The following DPP10 variants were observed in gnomAD, a reference collection of about 807,000 sequenced individuals.
DPP10 encodes inactive dipeptidyl peptidase 10.
In DPP10, 33 loss-of-function variants were observed where a neutral mutation model predicts 120.9. The ratio of observed to expected loss-of-function variants is 0.27; its 90% CI spans 0.21 to 0.37. DPP10 has a LOEUF of 0.37. Among genes scored for constraint, DPP10 ranks in the 10% least tolerant of loss-of-function variants. The probability of loss-of-function intolerance (pLI) is 1.00; values close to 1 mark genes in which losing one functional copy is unlikely to be tolerated. For missense variants in DPP10, 816 were observed against 942.8 expected (o/e 0.87, Z 1.76); for synonymous variants, 337 against 326.1 (o/e 1.03, Z -0.36).
chr2:115,456,595 T>A (rs1233083601), intron 3 of DPP10, among the ~76,000 whole-genome samples: 2 of 152,026 alleles, frequency 1.3e-5, no homozygotes, highest in East Asian at 1.9e-4. Flanking sequence ...ATAAAGAAAA[T>A]CTGGCCCATA....
At chr2:114,913,329 C>T (rs1033321910) in intron 1 of DPP10, among the ~76,000 whole-genome samples, 4 of 152,174 alleles carry the variant, frequency 2.6e-5, no homozygotes, top group Non-Finnish European at 5.9e-5. Flanking sequence ...CACTGAAGCA[C>T]TTTTGCCAGC....
At chr2:114,468,397 C>CAAAAAAAAAAAAAAAAAAAAA (rs71297186) in intron 1 of DPP10, among the ~76,000 whole-genome samples, 3 of 69,556 alleles carry the variant, frequency 4.3e-5, no homozygotes, top group African/African-American at 1.6e-4. Context: ...GCTTACAATG[C>CAAAAAAAAAAAAAAAAAAAAA]AAAAAAAAAA....
chr2:114,901,899 G>T (rs570730108), intron 1 of DPP10, among the ~76,000 whole-genome samples: 30 of 152,280 alleles, frequency 2.0e-4, no homozygotes, highest in Non-Finnish European at 4.0e-4. Flanking sequence ...AAGTGGTGTG[G>T]TCCAGTCAAA....
At chr2:114,841,371 T>C (rs1222123983) in intron 1 of DPP10, among the ~76,000 whole-genome samples, 3 of 152,144 alleles carry the variant, frequency 2.0e-5, no homozygotes, top group African/African-American at 7.2e-5. Context: ...AATGATAGGC[T>C]AAGAAATCTC....
intron 3 of DPP10, among the ~76,000 whole-genome samples, chr2:115,351,162 C>G (rs2064006887): frequency 6.6e-6 from 1 of 152,032 alleles, no homozygotes; most frequent in Non-Finnish European, 1.5e-5. Context: ...AAATGTGGTA[C>G]ATATACACCA....
At chr2:115,135,081 A>C (rs2050582685) in intron 1 of DPP10, among the ~76,000 whole-genome samples, 1 of 152,016 alleles carries the variant, frequency 6.6e-6, no homozygotes. Flanking sequence ...TCCACCTATT[A>C]GCTCAAACAG....
chr2:114,663,353 C>T lies in DPP10; in HGVS notation c.60+220515C>T, dbSNP rs983754274. Among the ~76,000 whole-genome samples, 13 of 149,718 alleles carry T rather than the reference C, an allele frequency of 8.7e-5. No individual in the cohort carries two copies. In the East Asian group the frequency reaches 1.2e-3, roughly 14 times the overall value. ...AGTGAGCTCTGGTTTATTGATTATCCGATGACTGGCAGTTATTGAATAATC... is the reference window on the plus strand; with the variant it reads ...AGTGAGCTCTGGTTTATTGATTATCTGATGACTGGCAGTTATTGAATAATC... On this transcript the variant is annotated intron_variant, in intron 1 of 25. Transcript: ENST00000410059.
intron 5 of DPP10, among the ~76,000 whole-genome samples, chr2:115,590,486 A>G (rs1246114921): frequency 2.8e-4 from 42 of 152,166 alleles, no homozygotes; most frequent in Non-Finnish European, 4.4e-5. Context: ...GTCCCTACAA[A>G]GGACATGAAC....
At chr2:115,285,871 T>C (rs1041653985) in intron 1 of DPP10, among the ~76,000 whole-genome samples, 8 of 152,066 alleles carry the variant, frequency 5.3e-5, no homozygotes, top group African/African-American at 1.9e-4. Flanking sequence ...AAAGTAATGA[T>C]AGATTGTAGT....
intron 7 of DPP10, among the ~76,000 whole-genome samples, chr2:115,726,914 T>C (rs1200183078): frequency 6.7e-6 from 1 of 148,230 alleles, no homozygotes; most frequent in Non-Finnish European, 1.5e-5. Context: ...CTTAGTAGAA[T>C]GTTTGATCTA....
chr2:115,484,780 A>G (rs1467068898), intron 3 of DPP10, among the ~76,000 whole-genome samples: 2 of 152,148 alleles, frequency 1.3e-5, no homozygotes, highest in Non-Finnish European at 2.9e-5. Flanking sequence ...TCGGGAGGTA[A>G]TCTCATTCAG....
intron 1 of DPP10, among the ~76,000 whole-genome samples, chr2:115,054,919 G>A (rs1002546446): frequency 4.6e-5 from 7 of 151,954 alleles, no homozygotes; most frequent in Admixed American, 2.0e-4. Flanking sequence ...CTCAAAAAAC[G>A]AAAGAAAAAC....
At chr2:115,298,829 C>A (rs551498061) in intron 1 of DPP10, among the ~76,000 whole-genome samples, 10 of 152,062 alleles carry the variant, frequency 6.6e-5, no homozygotes, top group African/African-American at 2.4e-4. Context: ...CTGCACTGAG[C>A]TAAGGCATTG....
chr2:114,631,121 G>A (rs1278662746), intron 1 of DPP10, among the ~76,000 whole-genome samples: 1 of 152,130 alleles, frequency 6.6e-6, no homozygotes, highest in Non-Finnish European at 1.5e-5. Context: ...TGACCAAGAT[G>A]GGAGGTGGGG....
chr2:115,451,224 G>A (rs1047746565), intron 3 of DPP10, among the ~76,000 whole-genome samples: 4 of 151,836 alleles, frequency 2.6e-5, no homozygotes, highest in African/African-American at 9.7e-5. Context: ...AAAGTTGACA[G>A]TATAATAAAA....
chr2:115,367,035 A>G (rs1388975248), intron 3 of DPP10, among the ~76,000 whole-genome samples: 1 of 152,016 alleles, frequency 6.6e-6, no homozygotes, highest in Non-Finnish European at 1.5e-5. Flanking sequence ...CTGCAATTTG[A>G]CGTCCCTAAT....
intron 1 of DPP10, among the ~76,000 whole-genome samples, chr2:115,271,109 T>C (rs13410592): frequency 5.3e-5 from 8 of 152,236 alleles, no homozygotes; most frequent in African/African-American, 1.7e-4. Flanking sequence ...AAAGGGAATT[T>C]GCATTTAGGT....
intron 1 of DPP10, among the ~76,000 whole-genome samples, chr2:115,240,103 T>G (rs2058201869): frequency 6.6e-6 from 1 of 152,214 alleles, no homozygotes; most frequent in Non-Finnish European, 1.5e-5. Context: ...TTTATAATCC[T>G]TTGGATATAC....
At chr2:115,709,204 G>T (rs1039819360) in intron 7 of DPP10, among the ~76,000 whole-genome samples, 8 of 152,038 alleles carry the variant, frequency 5.3e-5, no homozygotes, top group African/African-American at 1.7e-4. Context: ...GCAGAGTGTG[G>T]GTATCAAGTA....
Sources: allele counts gnomAD v4.1 joint callset (sites outside exome capture counted in the v4.1 genomes callset), GRCh38; gene constraint gnomAD v4.1.1; transcripts MANE v1.5; gene names NCBI Gene and HGNC (gene_info 2026-07-23, HGNC 2026-07-21).